CCDC91: variants seen among roughly 807,000 people sequenced by gnomAD.
CCDC91 encodes coiled-coil domain containing 91, also known as coiled-coil domain-containing protein 91.
CCDC91 carries 48 observed loss-of-function variants against 63.2 expected under a neutral mutation model. That is an observed-to-expected ratio of 0.76 (90% confidence interval 0.60 to 0.97). CCDC91 has a LOEUF of 0.97. Ranked by LOEUF, CCDC91 falls within the 50% of genes least tolerant of loss-of-function variation. CCDC91 has a pLI of 0.00. For missense variants in CCDC91, 500 were observed against 494.6 expected (o/e 1.01, Z -0.10); for synonymous variants, 167 against 165.8 (o/e 1.01, Z -0.06).
intron 6 of CCDC91, among the ~76,000 whole-genome samples, chr12:28,309,122 A>G (rs1939050537): frequency 6.6e-6 from 1 of 151,994 alleles, no homozygotes. Context: ...CTCTGCCTGG[A>G]ATGCTGTTCC....
chr12:28,372,094 T>C (rs534388415), intron 7 of CCDC91, among the ~76,000 whole-genome samples: 32 of 152,236 alleles, frequency 2.1e-4, no homozygotes, highest in African/African-American at 7.7e-4. Context: ...TTGAATAGGG[T>C]GTCCTTTCCT....
At position 28,326,338 on chromosome 12, in the gene CCDC91, A is replaced by G. The variant is rs529253224; in HGVS notation, c.576+18589A>G. 5.3e-5 allele frequency among the ~76,000 whole-genome samples: 8 copies of G among 151,830 alleles called. No homozygotes were observed. In the South Asian group the frequency reaches 6.2e-4, roughly 12 times the overall value. ...ATACATCTTTTGTAGACTTATAGCAAATTTAATGTTTGAATGATTTTTATT... is the reference window on the plus strand; with the variant it reads ...ATACATCTTTTGTAGACTTATAGCAGATTTAATGTTTGAATGATTTTTATT... On this transcript the variant is annotated intron_variant, in intron 6 of 12. Coordinates refer to ENST00000536442, the MANE Select transcript of CCDC91 (RefSeq NM_018318.5).
At chr12:28,544,728 T>A (rs1275990392) in intron 12 of CCDC91, among the ~76,000 whole-genome samples, 1 of 152,094 alleles carries the variant, frequency 6.6e-6, no homozygotes, top group East Asian at 1.9e-4. Flanking sequence ...GATGTGTTTG[T>A]AATTGACTTT....
intron 7 of CCDC91, among the ~76,000 whole-genome samples, chr12:28,379,724 A>G (rs1371863397): frequency 6.6e-6 from 1 of 152,214 alleles, no homozygotes; most frequent in African/African-American, 2.4e-5. Flanking sequence ...TATTAGTTCA[A>G]CCATTGTGGA....
At chr12:28,520,032 T>C (rs2141408009) in intron 12 of CCDC91, among the ~76,000 whole-genome samples, 1 of 152,272 alleles carries the variant, frequency 6.6e-6, no homozygotes, top group South Asian at 2.1e-4. Flanking sequence ...GCAATAAACA[T>C]ACCTGTGCAT....
At chr12:28,299,715 C>T (rs752604939) in intron 3 of CCDC91, among the ~76,000 whole-genome samples, 2 of 151,556 alleles carry the variant, frequency 1.3e-5, no homozygotes, top group Non-Finnish European at 3.0e-5. Flanking sequence ...TCATACATTT[C>T]CTTTACAGCA....
intron 12 of CCDC91, among the ~76,000 whole-genome samples, chr12:28,490,028 T>C (rs1325029900): frequency 6.6e-6 from 1 of 151,956 alleles, no homozygotes; most frequent in Non-Finnish European, 1.5e-5. Context: ...TCCTTGACAG[T>C]TGATAAACCC....
Position 28,453,629 on chromosome 12 carries a change from T to A in CCDC91, c.1101+975T>A, listed in dbSNP as rs532288217. The stretch of plus-strand genomic sequence containing the variant: ...ACCATCTATGTTAAAATAACAGTAG[T>A]ACAGTAGCAGATCTTTTTTTTTCTT... On this transcript the variant is annotated intron_variant, in intron 11 of 12. Transcript: ENST00000536442. Among the ~76,000 whole-genome samples the A allele has an allele frequency of 1.3e-4, 20 of 150,672 alleles. No individual in the cohort carries two copies. The South Asian group carries it at 3.4e-3, about 25-fold the overall frequency.
chr12:28,514,948 C>T (rs889382185), intron 12 of CCDC91, among the ~76,000 whole-genome samples: 2 of 151,704 alleles, frequency 1.3e-5, no homozygotes, highest in African/African-American at 4.8e-5. Flanking sequence ...ATGAAATACT[C>T]TGTACAACAA....
chr12:28,501,884 G>C (rs1010846494), intron 12 of CCDC91, among the ~76,000 whole-genome samples: 1 of 151,530 alleles, frequency 6.6e-6, no homozygotes, highest in African/African-American at 2.4e-5. Flanking sequence ...CAATTTCAGA[G>C]CCTGTTATTG....
At chr12:28,498,513 G>A (rs985686703) in intron 12 of CCDC91, among the ~76,000 whole-genome samples, 8 of 151,638 alleles carry the variant, frequency 5.3e-5, no homozygotes, top group Non-Finnish European at 1.0e-4. Flanking sequence ...CATATACCAT[G>A]AAGCCAAAGC....
intron 1 of CCDC91, among the ~76,000 whole-genome samples, chr12:28,207,685 A>G (rs987111807): frequency 1.3e-5 from 2 of 152,214 alleles, no homozygotes; most frequent in Non-Finnish European, 2.9e-5. Context: ...CATTGGTTAT[A>G]AACTATTTTC....
At chr12:28,535,605 TTTGCCC>T (rs1942089451) in intron 12 of CCDC91, among the ~76,000 whole-genome samples, 2 of 152,218 alleles carry the variant, frequency 1.3e-5, no homozygotes, top group African/African-American at 2.4e-5. Flanking sequence ...TTATTCTCCC[TTTGCCC>T]TTATTAATAT....
At chr12:28,514,194 G>A (rs1939681456) in intron 12 of CCDC91, among the ~76,000 whole-genome samples, 1 of 151,840 alleles carries the variant, frequency 6.6e-6, no homozygotes, top group Admixed American at 6.6e-5. Context: ...GTTTTGATTT[G>A]CATTTCTCTA....
intron 3 of CCDC91, among the ~76,000 whole-genome samples, chr12:28,290,016 T>C (rs1475270118): frequency 6.6e-6 from 1 of 152,044 alleles, no homozygotes; most frequent in Admixed American, 6.5e-5. Context: ...TGTAGTTGTC[T>C]TATCAGGTCC....
intron 1 of CCDC91, among the ~76,000 whole-genome samples, chr12:28,227,284 C>G (rs1350261149): frequency 2.0e-5 from 3 of 152,126 alleles, no homozygotes; most frequent in Admixed American, 6.5e-5. Flanking sequence ...TTTCCACCTT[C>G]TTGATAGTGA....
At chr12:28,278,328 T>G (rs1483781598) in intron 3 of CCDC91, among the ~76,000 whole-genome samples, 2 of 152,086 alleles carry the variant, frequency 1.3e-5, no homozygotes, top group African/African-American at 4.8e-5. Flanking sequence ...CAATTGTTTT[T>G]AGGGTTTTGT....
intron 3 of CCDC91, among the ~76,000 whole-genome samples, chr12:28,267,292 CT>C (rs1947255182): frequency 1.3e-5 from 2 of 150,968 alleles, no homozygotes; most frequent in African/African-American, 2.4e-5. Flanking sequence ...ATACTCCTTG[CT>C]TTTTTTTCCA....
intron 6 of CCDC91, among the ~76,000 whole-genome samples, chr12:28,360,082 C>G (rs559635025): frequency 6.6e-6 from 1 of 152,150 alleles, no homozygotes; most frequent in Non-Finnish European, 1.5e-5. Flanking sequence ...TAAAGTAGAT[C>G]GTTGCCATGA....
Sources: gnomAD v4.1 joint callset for allele counts (sites outside exome capture counted in the v4.1 genomes callset) on GRCh38, gnomAD v4.1.1 for gene constraint, MANE v1.5 for transcripts, NCBI Gene and HGNC (gene_info 2026-07-23, HGNC 2026-07-21) for gene names.